Variants in KIF21A observed in about 807,000 individuals in gnomAD.
KIF21A encodes kinesin family member 21A.
KIF21A carries 114 observed loss-of-function variants against 202.9 expected under a neutral mutation model. The ratio of observed to expected loss-of-function variants is 0.56; its 90% confidence interval spans 0.48 to 0.66. The LOEUF (loss-of-function observed/expected upper bound fraction) is 0.66, where lower values mean the gene tolerates loss of function less well. Among genes scored for constraint, KIF21A ranks in the 30% least tolerant of loss-of-function variants. The pLI, the probability that KIF21A is intolerant of heterozygous loss-of-function variation, is 0.00. For missense variants in KIF21A, 1,677 were observed against 1,994.9 expected, an observed-to-expected ratio of 0.84 and a Z score of 3.04; for synonymous variants, 667 against 670.8, an observed-to-expected ratio of 0.99 and a Z score of 0.09.
Position 39,315,904 on chromosome 12 carries a change from A to G in KIF21A, c.3947+28T>C, listed in dbSNP as rs1480331279. On this transcript the variant is annotated intron_variant, in intron 30 of 37. Coordinates refer to ENST00000361418, the MANE Select transcript of KIF21A (RefSeq NM_001173464.2). ...CTTTAGAACATCAATGAAATTCCAG[A>G]ATGTAGGAAAGGCAGGAAAGAAAGT... 3 of 1,572,204 alleles carry G rather than the reference A, an allele frequency of 1.9e-6. No individual in the cohort carries two copies. In the Admixed American group the frequency reaches 5.0e-5, roughly 26 times the overall value.
chr12:39,345,279 C>T (rs532125739), intron 12 of KIF21A, among the ~76,000 whole-genome samples: 8 of 152,130 alleles, frequency 5.3e-5, no homozygotes, highest in East Asian at 1.9e-4. Context: ...ACTTTAATGA[C>T]GCATCTTATT....
In KIF21A at chr12:39,318,216, G is replaced by C. The variant is rs1203359220; in HGVS notation, c.3780-15C>G. ...CAGAATCTGAGCTACAAGAAAAAAA[G>C]AACATTAAGTAGGTGGCTTTAATTG... is the stretch of plus-strand genomic sequence containing the variant. On this transcript the variant is annotated splice_polypyrimidine_tract_variant and intron_variant, in intron 28 of 37. Coordinates refer to ENST00000361418, the MANE Select transcript of KIF21A (RefSeq NM_001173464.2). The C allele has an allele frequency of 1.9e-6, 3 of 1,611,390 alleles. No homozygotes were observed. Among genetic ancestry groups the C allele is most frequent in the African/African-American group, 1.3e-5 (1 of 74,852 alleles).
intron 1 of KIF21A, among the ~76,000 whole-genome samples, chr12:39,426,468 A>G (rs967873971): frequency 2.6e-5 from 4 of 152,254 alleles, no homozygotes; most frequent in Non-Finnish European, 5.9e-5. Flanking sequence ...GGAAATTAAA[A>G]AAGCATTAGA....
At chr12:39,437,961 A>G (rs1212528686) in intron 1 of KIF21A, among the ~76,000 whole-genome samples, 1 of 152,206 alleles carries the variant, frequency 6.6e-6, no homozygotes. Flanking sequence ...TAGAGTTTCA[A>G]CTTAAAAGAT....
At chr12:39,349,373 G>A (rs970549146) in intron 11 of KIF21A, among the ~76,000 whole-genome samples, 2 of 152,056 alleles carry the variant, frequency 1.3e-5, no homozygotes, top group African/African-American at 4.8e-5. Flanking sequence ...TGAACCTCTT[G>A]TATGTGTAAG....
intron 1 of KIF21A, among the ~76,000 whole-genome samples, chr12:39,414,245 C>G (rs762940426): frequency 3.9e-5 from 6 of 152,170 alleles, no homozygotes; most frequent in Non-Finnish European, 7.4e-5. Context: ...ACCCAATTGT[C>G]CTTTTTACTC....
intron 11 of KIF21A, among the ~76,000 whole-genome samples, chr12:39,347,790 C>G (rs562486482): frequency 1.3e-5 from 2 of 152,112 alleles, no homozygotes; most frequent in East Asian, 1.9e-4. Context: ...CAACCCAACA[C>G]CACTAAATAC....
intron 6 of KIF21A, among the ~76,000 whole-genome samples, chr12:39,364,794 T>C (rs969226622): frequency 3.9e-5 from 6 of 152,226 alleles, no homozygotes; most frequent in African/African-American, 9.6e-5. Flanking sequence ...ATTTATAGTT[T>C]AAAGAATTTT....
At chr12:39,371,872 T>C (rs1036487529) in intron 1 of KIF21A, among the ~76,000 whole-genome samples, 2 of 150,344 alleles carry the variant, frequency 1.3e-5, no homozygotes, top group Non-Finnish European at 3.0e-5. Context: ...AAGGTTGCAG[T>C]GAGCCAAGAC....
In KIF21A at chr12:39,442,849, G is replaced by A; in HGVS notation, c.44+78C>T. 2.0e-6 allele frequency: 3 copies of A among 1,493,868 alleles called. No homozygotes were observed. Among genetic ancestry groups the A allele is most frequent in the Non-Finnish European group, 2.7e-6 (3 of 1,118,868 alleles). The allele number at this position is 1,493,868 out of a possible 1,614,324, so 92.5% of individuals were successfully genotyped here. A position where few individuals can be genotyped will look rare whatever the true frequency, so the allele number is the denominator to read the frequency against. Reference sequence around the variant, plus strand: ...TCAGGTCGCTCCACCCCGGTAGCCGGTGCTCCGCGCCACAGCCAGGTCCTT... The same window carrying A: ...TCAGGTCGCTCCACCCCGGTAGCCGATGCTCCGCGCCACAGCCAGGTCCTT... On this transcript the variant is annotated intron_variant, in intron 1 of 37. Transcript: ENST00000361418. The surrounding 1 kb of genome is among the most constrained non-coding windows in gnomAD (Gnocchi z 5.0).
At chr12:39,329,837 T>C (rs1231358106) in intron 24 of KIF21A, among the ~76,000 whole-genome samples, 4 of 152,020 alleles carry the variant, frequency 2.6e-5, no homozygotes, top group South Asian at 2.1e-4. Flanking sequence ...TATATATATA[T>C]ACCAAAGATA....
intron 11 of KIF21A, among the ~76,000 whole-genome samples, chr12:39,347,772 T>C (rs1948025700): frequency 6.6e-6 from 1 of 152,048 alleles, no homozygotes; most frequent in Non-Finnish European, 1.5e-5. Context: ...TGTGTGTTTC[T>C]AGAGTTTCAA....
intron 24 of KIF21A, among the ~76,000 whole-genome samples, chr12:39,327,402 A>C (rs1946058879): frequency 6.6e-6 from 1 of 152,200 alleles, no homozygotes; most frequent in South Asian, 2.1e-4. Context: ...ATCTCATTAG[A>C]GGGAGGCTCA....
intron 22 of KIF21A, 72 bp from the exon 23 acceptor site, chr12:39,330,983 G>T: frequency 6.7e-7 from 1 of 1,482,214 alleles, no homozygotes; most frequent in Non-Finnish European, 9.4e-7. Flanking sequence ...GTATCAAACA[G>T]CAAATGAATA....
chr12:39,358,541 T>G (rs1948967369), intron 7 of KIF21A, among the ~76,000 whole-genome samples, 168 bp from the exon 8 acceptor site: 1 of 152,226 alleles, frequency 6.6e-6, no homozygotes, highest in Non-Finnish European at 1.5e-5. Context: ...AAAAAGCTTT[T>G]GTTTACTTTG....
At chr12:39,439,894 A>G (rs1052466398) in intron 1 of KIF21A, among the ~76,000 whole-genome samples, 2 of 152,216 alleles carry the variant, frequency 1.3e-5, no homozygotes, top group Admixed American at 1.3e-4. Context: ...TCTACAATAG[A>G]GTCATCAGCT....
At position 39,442,039 on chromosome 12, in the gene KIF21A, C is replaced by T. The variant is rs1939711331; in HGVS notation, c.44+888G>A. On this transcript the variant is annotated intron_variant, in intron 1 of 37. Coordinates refer to ENST00000361418, the MANE Select transcript of KIF21A (RefSeq NM_001173464.2). The surrounding 1 kb of genome is among the most constrained non-coding windows in gnomAD (Gnocchi z 5.0). ...TTCCATGAGCAACTATCAGAGCTTT[C>T]CTTCTTGATAAGTATCAAAACAGCC... Among the ~76,000 whole-genome samples the T allele has an allele frequency of 1.3e-5, 2 of 152,160 alleles. No homozygotes were observed. Among genetic ancestry groups the T allele is most frequent in the South Asian group, 4.1e-4 (2 of 4,826 alleles).
At chr12:39,364,935 C>T (rs1280982571) in intron 6 of KIF21A, among the ~76,000 whole-genome samples, 1 of 152,096 alleles carries the variant, frequency 6.6e-6, no homozygotes, top group Non-Finnish European at 1.5e-5. Flanking sequence ...AGCTAGAGAC[C>T]ACGAGATTCC....
At chr12:39,427,739 A>G (rs1592707122) in intron 1 of KIF21A, among the ~76,000 whole-genome samples, 1 of 152,086 alleles carries the variant, frequency 6.6e-6, no homozygotes, top group South Asian at 2.1e-4. Context: ...GCTCACTGCA[A>G]CCTCCACTTC....
Sources: gnomAD v4.1 joint callset for allele counts (sites outside exome capture counted in the v4.1 genomes callset) on GRCh38, gnomAD v4.1.1 for gene constraint, Gnocchi (gnomAD v3.1) non-coding constraint, MANE v1.5 for transcripts, NCBI Gene and HGNC (gene_info 2026-07-23, HGNC 2026-07-21) for gene names.